CDKL1: variants seen among roughly 807,000 people sequenced by gnomAD.
CDKL1 encodes cyclin dependent kinase like 1.
Under a neutral mutation model 42.0 loss-of-function variants are expected in CDKL1, and 41 were observed. That is an observed-to-expected ratio of 0.98 (90% CI 0.76 to 1.27). The LOEUF is 1.27. CDKL1 is among the 50% of genes most tolerant of loss of function. CDKL1 has a pLI of 0.00. For synonymous variants in CDKL1, 153 were observed against 158.6 expected, an observed-to-expected ratio of 0.96 and a Z score of 0.26; for missense variants, 394 against 428.4, an observed-to-expected ratio of 0.92 and a Z score of 0.71.
rs567430890 is a variant in CDKL1, at chr14:50,335,905, C to A, written c.739-1284G>T. The A allele has an allele frequency of 9.4e-6, 12 of 1,272,924 alleles. No individual in the cohort carries two copies. In the African/African-American group the frequency reaches 1.8e-4, roughly 20 times the overall value. 78.9% of individuals were successfully genotyped at this position (1,272,924 alleles called of 1,614,324 possible). A position where few individuals can be genotyped will look rare whatever the true frequency, so the allele number is the denominator to read the frequency against. ...AGAGAAGAGCCTCTGTTTCAGAGTTCCCTATGTCAACAGGAGAAAAAAAAA... is the reference window on the plus strand; with the variant it reads ...AGAGAAGAGCCTCTGTTTCAGAGTTACCTATGTCAACAGGAGAAAAAAAAA... On this transcript the variant is annotated intron_variant, in intron 7 of 9. Coordinates refer to ENST00000395834, the MANE Select transcript of CDKL1 (RefSeq NM_004196.7).
intron 2 of CDKL1, among the ~76,000 whole-genome samples, chr14:50,382,062 G>A (rs1349016611): frequency 1.3e-5 from 2 of 152,174 alleles, no homozygotes; most frequent in South Asian, 2.1e-4. Context: ...AGGTTAATAA[G>A]CAATAAAGAA....
chr14:50,353,665 A>T (rs1467050561), intron 3 of CDKL1, among the ~76,000 whole-genome samples: 1 of 152,206 alleles, frequency 6.6e-6, no homozygotes, highest in African/African-American at 2.4e-5. Context: ...CATACAATGG[A>T]ATTCTATACA....
At chr14:50,396,639 C>T (rs560624155) in intron 1 of CDKL1, 185 bp downstream of exon 1, 144 of 209,380 alleles carry the variant, frequency 6.9e-4, no homozygotes, top group Non-Finnish European at 8.3e-4. Flanking sequence ...CACCTCCCGG[C>T]TCCCCGCGGA....
intron 4 of CDKL1, among the ~76,000 whole-genome samples, chr14:50,344,146 G>A (rs866150894): frequency 6.6e-6 from 1 of 152,184 alleles, no homozygotes; most frequent in African/African-American, 2.4e-5. Flanking sequence ...GTGAAGTCAC[G>A]TCACCTGGGC....
chr14:50,335,853 C>T, intron 7 of CDKL1: 1 of 1,284,484 alleles, frequency 7.8e-7, no homozygotes, highest in Non-Finnish European at 1.0e-6. Flanking sequence ...CTGGATTGTA[C>T]ACATACTAAT....
intron 3 of CDKL1, among the ~76,000 whole-genome samples, chr14:50,358,485 A>G (rs914245786): frequency 4.0e-5 from 6 of 151,226 alleles, no homozygotes; most frequent in Non-Finnish European, 8.9e-5. Context: ...TAAAGTACCA[A>G]AGAAATCAAG....
At chr14:50,361,145 AG>A (rs922125052) in intron 2 of CDKL1, among the ~76,000 whole-genome samples, 6 of 152,210 alleles carry the variant, frequency 3.9e-5, no homozygotes, top group African/African-American at 1.4e-4. Context: ...ATAGACAAGC[AG>A]GCTACTCCAT....
At chr14:50,389,369 T>C (rs1261651027) in intron 2 of CDKL1, among the ~76,000 whole-genome samples, 1 of 152,066 alleles carries the variant, frequency 6.6e-6, no homozygotes, top group African/African-American at 2.4e-5. Flanking sequence ...CAAAGAGTCA[T>C]TTTACACATT....
In CDKL1 at chr14:50,329,924, C is replaced by A; in HGVS notation, c.*150G>T. ...GAAGACTGGATCTGGAATTTCCCTT[C>A]ATATCTTGCCAGTTGGCCTCCCAGT... On this transcript the variant is annotated 3_prime_UTR_variant, in exon 10 of 10. Transcript: ENST00000395834. 1 of 897,506 alleles carries A rather than the reference C, an allele frequency of 1.1e-6. No individual in the cohort carries two copies. The highest frequency in any genetic ancestry group is 1.6e-6 in the Non-Finnish European group (1 of 621,394). 55.6% of individuals were successfully genotyped at this position (897,506 alleles called of 1,614,324 possible).
At chr14:50,368,903 G>C (rs2034507911) in intron 2 of CDKL1, among the ~76,000 whole-genome samples, 1 of 138,048 alleles carries the variant, frequency 7.2e-6, no homozygotes, top group Non-Finnish European at 1.5e-5. Flanking sequence ...GTCTCGCTCT[G>C]TCACCCAGGC....
chr14:50,389,517 T>G (rs2035190026), intron 2 of CDKL1, among the ~76,000 whole-genome samples: 1 of 152,276 alleles, frequency 6.6e-6, no homozygotes, highest in African/African-American at 2.4e-5. Context: ...ATTTTCACCC[T>G]TTAGGAGTGA....
At position 50,329,184 on chromosome 14, in the gene CDKL1, C is replaced by T. The variant is rs950067848; in HGVS notation, c.*890G>A. ...CTCACAAGTAATTTCTTCTGAAACCCAGATCACTGAATTACAGGTTTGCCT... is the reference window on the plus strand; with the variant it reads ...CTCACAAGTAATTTCTTCTGAAACCTAGATCACTGAATTACAGGTTTGCCT... On this transcript the variant is annotated 3_prime_UTR_variant, in exon 10 of 10. Transcript: ENST00000395834. 5.9e-5 allele frequency: 9 copies of T among 151,932 alleles called. No homozygotes were observed. The highest frequency in any genetic ancestry group is 2.2e-4 in the African/African-American group (9 of 41,342). The allele number at this position is 151,932 out of a possible 1,614,324, so 9.4% of individuals were successfully genotyped here. A position where few individuals can be genotyped will look rare whatever the true frequency, so the allele number is the denominator to read the frequency against.
At chr14:50,380,802 C>CTTTGCTTTTTTTTTTT (rs368170212) in intron 2 of CDKL1, among the ~76,000 whole-genome samples, 3 of 134,604 alleles carry the variant, frequency 2.2e-5, no homozygotes, top group East Asian at 2.4e-4. Flanking sequence ...CTGTGACTTC[C>CTTTGCTTTTTTTTTTT]TTTTTTTTTT....
chr14:50,352,926 G>A (rs1253535304), intron 3 of CDKL1, among the ~76,000 whole-genome samples: 2 of 152,348 alleles, frequency 1.3e-5, no homozygotes, highest in Admixed American at 6.5e-5. Flanking sequence ...AGAAAGTCAA[G>A]TTATAATCAG....
chr14:50,336,914 T>TTATATATGTAAATATATG (rs1475893471), intron 7 of CDKL1, among the ~76,000 whole-genome samples: 3 of 152,204 alleles, frequency 2.0e-5, no homozygotes, highest in African/African-American at 7.2e-5. Context: ...TATTTTGTAT[T>TTATATATGTAAATATATG]TATATATGTA....
At chr14:50,335,399 G>C (rs2033208566) in intron 7 of CDKL1, 2 of 1,270,772 alleles carry the variant, frequency 1.6e-6, no homozygotes, top group Admixed American at 4.1e-5. Context: ...GATGCTTCTT[G>C]ATTTTCTGGA....
rs2032794266 is a variant in CDKL1 at position 50,328,658 on chromosome 14, GCTT to G, written c.*1413_*1415del. 6.6e-6 allele frequency: 1 copy of G among 152,108 alleles called. No homozygotes were observed. The highest frequency in any genetic ancestry group is 1.5e-5 in the Non-Finnish European group (1 of 68,022). 9.4% of individuals were successfully genotyped at this position (152,108 alleles called of 1,614,324 possible). A position where few individuals can be genotyped will look rare whatever the true frequency, so the allele number is the denominator to read the frequency against. The stretch of plus-strand genomic sequence containing the variant: ...GTGTCCAGGGGACAAGGATGAAAAA[GCTT>G]TTTGATTAAGAGCAGTAGACCAAAT... On this transcript the variant is annotated 3_prime_UTR_variant, in exon 10 of 10. Coordinates refer to ENST00000395834, the MANE Select transcript of CDKL1 (RefSeq NM_004196.7).
intron 2 of CDKL1, among the ~76,000 whole-genome samples, chr14:50,376,659 A>C (rs2034740293): frequency 6.6e-6 from 1 of 152,232 alleles, no homozygotes. Context: ...AAATATGTGA[A>C]AATAGGAAGT....
chr14:50,363,116 G>A (rs762958192), intron 2 of CDKL1: 2 of 270,296 alleles, frequency 7.4e-6, no homozygotes, highest in Non-Finnish European at 1.7e-5. Context: ...CTTCACTCTT[G>A]AGCCAGGGAG....
Sources: gnomAD v4.1 joint callset for allele counts (sites outside exome capture counted in the v4.1 genomes callset) on GRCh38, gnomAD v4.1.1 for gene constraint, MANE v1.5 for transcripts, NCBI Gene and HGNC (gene_info 2026-07-23, HGNC 2026-07-21) for gene names.